The following OR13C3 variants were observed in gnomAD, a reference collection of about 807,000 sequenced individuals.
The protein encoded by OR13C3 is olfactory receptor 13C3.
A neutral mutation model predicts 14.4 loss-of-function variants in OR13C3; 19 were observed. The observed-to-expected ratio is 1.31, with a 90% CI of 0.92 to 1.93. The LOEUF is 1.93. Among genes scored for constraint, OR13C3 ranks in the 30% most tolerant of loss-of-function variants. The pLI, the probability that OR13C3 is intolerant of heterozygous loss-of-function variation, is 0.00. For synonymous variants in OR13C3, 140 were observed against 142.5 expected, an observed-to-expected ratio of 0.98 and a Z score of 0.12; for missense variants, 394 against 381.4, an observed-to-expected ratio of 1.03 and a Z score of -0.27.
chr9:104,536,405 T>C (rs764269975), exon 1 of OR13C3: 1 of 1,614,090 alleles, frequency 6.2e-7, no homozygotes. Flanking sequence ...GTTGACCCCA[T>C]TGCAAACCCA....
exon 1 of OR13C3, chr9:104,536,175 A>C (rs1445343037): frequency 6.2e-7 from 1 of 1,614,170 alleles, no homozygotes. Context: ...GCTTGAGGAC[A>C]GCTAATATTT....
chr9:104,536,162 C>T (rs753873614), exon 1 of OR13C3: 2 of 1,613,850 alleles, frequency 1.2e-6, no homozygotes, highest in African/African-American at 1.3e-5. Flanking sequence ...TCAGCACAGG[C>T]CAGCTTGAGG....
exon 1 of OR13C3, chr9:104,536,177 C>G: frequency 1.2e-6 from 2 of 1,614,110 alleles, no homozygotes; most frequent in Non-Finnish European, 8.5e-7. Flanking sequence ...TTGAGGACAG[C>G]TAATATTTCA....
At chr9:104,536,353 A>G (rs780581742) in exon 1 of OR13C3, 3 of 1,614,160 alleles carry the variant, frequency 1.9e-6, no homozygotes, top group Non-Finnish European at 8.5e-7. Context: ...GCAGATGGCC[A>G]CATAACGATC....
At position 104,536,149 on chromosome 9, in the gene OR13C3, A is replaced by AT; in HGVS notation, c.574dup (p.Ile192AsnfsTer106). The AT allele has an allele frequency of 6.2e-7, 1 of 1,614,002 alleles. No individual in the cohort carries two copies. Among genetic ancestry groups the AT allele is most frequent in the Admixed American group, 1.7e-5 (1 of 60,020 alleles). ...CACCATGGTGATAATATTGAGGGATATATCAGCACAGGCCAGCTTGAGGAC... is the reference window on the plus strand; with the variant it reads ...CACCATGGTGATAATATTGAGGGATATTATCAGCACAGGCCAGCTTGAGGAC... On this transcript the variant is annotated frameshift_variant, in exon 1 of 1. Transcript: ENST00000641090. LOFTEE classifies it high-confidence loss of function.
chr9:104,536,161 G>A (rs1165304764), exon 1 of OR13C3: 3 of 1,613,808 alleles, frequency 1.9e-6, no homozygotes, highest in Admixed American at 3.3e-5. Flanking sequence ...ATCAGCACAG[G>A]CCAGCTTGAG....
exon 1 of OR13C3, chr9:104,536,408 C>T: frequency 6.2e-7 from 1 of 1,614,112 alleles, no homozygotes; most frequent in Non-Finnish European, 8.5e-7. Context: ...GACCCCATTG[C>T]AAACCCAAAG....
Position 104,536,398 on chromosome 9 carries a change from G to T in OR13C3, c.326C>A (p.Ser109Ter), listed in dbSNP as rs1461804243. ...CATGCCAAGAAGCAGACATTCTGTT[G>T]ACCCCATTGCAAACCCAAAGAACAT... Residue 109 changes from serine to a stop codon, truncating the protein, a stop_gained, in exon 1 of 1, where the codon TCA (serine) becomes TAA (stop). Transcript: ENST00000641090. LOFTEE classifies it high-confidence loss of function. 6.2e-7 allele frequency: 1 copy of T among 1,614,110 alleles called. No homozygotes were observed. Among genetic ancestry groups the T allele is most frequent in the Non-Finnish European group, 8.5e-7 (1 of 1,180,004 alleles).
At chr9:104,536,314 C>T in exon 1 of OR13C3, 1 of 1,614,158 alleles carries the variant, frequency 6.2e-7, no homozygotes, top group Non-Finnish European at 8.5e-7. Context: ...CGCCACCTTG[C>T]TCAGGATGAT....
Position 104,536,255 on chromosome 9 carries a change from C to T in OR13C3, c.469G>A (p.Ala157Thr), listed in dbSNP as rs79962962. Residue 157 changes from alanine (A) to threonine (T), a missense_variant, in exon 1 of 1, where the codon GCT becomes ACT. By Grantham distance (58) the Ala-to-Thr change is moderately conservative. Coordinates refer to ENST00000641090, the Ensembl canonical transcript of OR13C3. ...CTCATGGCAAGTAATGTTTGCACAG[C>T]TGAATTTATTCCACCGGACAGCCAG... The T allele has an allele frequency of 1.8e-4, 297 of 1,614,070 alleles. 4 individuals carry two copies. In the East Asian group the frequency reaches 6.4e-3, roughly 35 times the overall value.
chr9:104,536,081 A>G, exon 1 of OR13C3: 3 of 1,614,110 alleles, frequency 1.9e-6, no homozygotes, highest in Non-Finnish European at 1.7e-6. Flanking sequence ...TAGGAGAAAA[A>G]AATGACCATC....
chr9:104,536,785 CAA>C lies in OR13C3; in HGVS notation c.-64_-63del. 1.2e-6 allele frequency: 2 copies of C among 1,612,892 alleles called. No homozygotes were observed. The highest frequency in any genetic ancestry group is 1.7e-6 in the Non-Finnish European group (2 of 1,179,328). On this transcript the variant is annotated 5_prime_UTR_variant, in exon 1 of 1. It introduces an in-frame stop codon into an upstream open reading frame of the 5' UTR. Transcript: ENST00000641090. ...ATGAAATGTATTTACTGCCAAGAAA[CAA>C]ACAGTACAAATTAACTGAACAATCA...
At chr9:104,536,657 T>C (rs746758651) in exon 1 of OR13C3, 1 of 1,613,964 alleles carries the variant, frequency 6.2e-7, no homozygotes, top group Non-Finnish European at 8.5e-7. Flanking sequence ...ACAATCTCAA[T>C]CTTTGGGTAT....
exon 1 of OR13C3, chr9:104,536,126 C>G (rs1005984533): frequency 1.2e-6 from 2 of 1,613,650 alleles, no homozygotes; most frequent in Admixed American, 1.7e-5. Flanking sequence ...TTTGATATCA[C>G]CATGGTGATA....
At chr9:104,536,372 T>C (rs747673085) in exon 1 of OR13C3, 6 of 1,613,930 alleles carry the variant, frequency 3.7e-6, no homozygotes, top group South Asian at 3.3e-5. Context: ...TCAAATGCCA[T>C]CATGCCAAGA....
Position 104,535,939 on chromosome 9 carries a change from G to A in OR13C3, c.785C>T (p.Pro262Leu), listed in dbSNP as rs528509064. 41 of 1,614,018 alleles carry A rather than the reference G, an allele frequency of 2.5e-5. No homozygotes were observed. The highest frequency in any genetic ancestry group is 2.3e-4 in the South Asian group (21 of 91,080). Residue 262 changes from proline (P) to leucine (L), a missense_variant, in exon 1 of 1, where the codon CCG becomes CTG. Coordinates refer to ENST00000641090, the Ensembl canonical transcript of OR13C3. Reference sequence around the variant, plus strand: ...TTCCCCAATCAGGTCTTGAGACTTCGGTTTCGCATACATAAAGAAGATGGT... The same window carrying A: ...TTCCCCAATCAGGTCTTGAGACTTCAGTTTCGCATACATAAAGAAGATGGT...
chr9:104,536,508 G>C (rs1384344234), exon 1 of OR13C3: 2 of 1,613,994 alleles, frequency 1.2e-6, no homozygotes, highest in Non-Finnish European at 1.7e-6. Flanking sequence ...AGGATGTATA[G>C]CAGATATCCA....
At chr9:104,536,529 G>T (rs766971520) in exon 1 of OR13C3, 1 of 1,614,164 alleles carries the variant, frequency 6.2e-7, no homozygotes, top group South Asian at 1.1e-5. Flanking sequence ...GGAAAGAGAG[G>T]TTGCCCAGGA....
exon 1 of OR13C3, chr9:104,536,668 C>G (rs778104582): frequency 4.3e-6 from 7 of 1,613,842 alleles, no homozygotes; most frequent in Admixed American, 1.7e-5. Flanking sequence ...CTTTGGGTAT[C>G]CAGAAAGACC....
Sources: allele counts gnomAD v4.1 joint callset, GRCh38; gene constraint gnomAD v4.1.1; transcripts MANE v1.5; gene names NCBI Gene and HGNC (gene_info 2026-07-23, HGNC 2026-07-21).